The following GABRG2 variants were observed in gnomAD, a reference collection of about 807,000 sequenced individuals.
GABRG2 encodes the protein gamma-aminobutyric acid type A receptor subunit gamma2, also known as gamma-aminobutyric acid receptor subunit gamma-2.
In GABRG2, 16 loss-of-function variants were observed where a neutral mutation model predicts 56.4. That is an observed-to-expected ratio of 0.28 (90% CI 0.19 to 0.43). GABRG2 has a LOEUF of 0.43. Ranked by LOEUF, GABRG2 falls within the 20% of genes least tolerant of loss-of-function variation. The pLI is 1.00. For missense variants in GABRG2, 327 were observed against 582.7 expected, an observed-to-expected ratio of 0.56 and a Z score of 4.52; for synonymous variants, 208 against 205.5, an observed-to-expected ratio of 1.01 and a Z score of -0.10.
intron 6 of GABRG2, 90 bp downstream of exon 6, chr5:162,104,116 A>G (rs1057378701): frequency 4.8e-5 from 55 of 1,136,462 alleles, no homozygotes; most frequent in Non-Finnish European, 7.1e-5. Flanking sequence ...ATACCTCTCA[A>G]TGAATGATAA....
chr5:162,100,137 T>A (rs1238273032), intron 4 of GABRG2: 4 of 152,096 alleles, frequency 2.6e-5, no homozygotes, highest in Non-Finnish European at 5.9e-5. Flanking sequence ...CAAGTTCAGG[T>A]ACAATAAATG....
At chr5:162,108,555 A>T (rs1762001173) in intron 6 of GABRG2, among the ~76,000 whole-genome samples, 1 of 152,168 alleles carries the variant, frequency 6.6e-6, no homozygotes, top group African/African-American at 2.4e-5. Context: ...TGATCTTAAT[A>T]CCAAAACAAC....
At chr5:162,077,410 G>C (rs1181440955) in intron 1 of GABRG2, among the ~76,000 whole-genome samples, 1 of 152,068 alleles carries the variant, frequency 6.6e-6, no homozygotes, top group African/African-American at 2.4e-5. Flanking sequence ...TCCCCTTGAT[G>C]CTTCTAGTTT....
chr5:162,077,279 A>G lies in GABRG2; in HGVS notation c.107+9173A>G, dbSNP rs141969996. 6.3e-4 allele frequency among the ~76,000 whole-genome samples: 96 copies of G among 152,222 alleles called. 1 individual carries two copies. Among genetic ancestry groups the G allele is most frequent in the Non-Finnish European group, 7.2e-4 (49 of 68,004 alleles). ...AATAATGAAATTAACAATGTGCTTT[A>G]CCTTTTTAACCCAGCTTCTTTTGCT... On this transcript the variant is annotated intron_variant, in intron 1 of 9. Transcript: ENST00000639213.
intron 1 of GABRG2, among the ~76,000 whole-genome samples, chr5:162,090,961 T>A (rs1232512278): frequency 6.6e-6 from 1 of 152,158 alleles, no homozygotes; most frequent in Non-Finnish European, 1.5e-5. Flanking sequence ...GAGGTTTTTA[T>A]GTCCAAAGCA....
chr5:162,081,809 A>G (rs1759688245), intron 1 of GABRG2, among the ~76,000 whole-genome samples: 1 of 152,006 alleles, frequency 6.6e-6, no homozygotes, highest in Non-Finnish European at 1.5e-5. Context: ...CTACATAGCT[A>G]GTATGAATGA....
intron 6 of GABRG2, among the ~76,000 whole-genome samples, chr5:162,110,783 T>C (rs1762197706): frequency 6.6e-6 from 1 of 152,134 alleles, no homozygotes; most frequent in South Asian, 2.1e-4. Context: ...CAATACTAAA[T>C]TTTTCAAACT....
chr5:162,149,039 T>C, intron 7 of GABRG2, 69 bp from the exon 8 acceptor site: 1 of 1,405,212 alleles, frequency 7.1e-7, no homozygotes, highest in Admixed American at 1.7e-5. Context: ...CAATGTAGTC[T>C]CACGAGTGAC....
intron 6 of GABRG2, among the ~76,000 whole-genome samples, chr5:162,110,702 A>T (rs1307334731): frequency 6.6e-6 from 1 of 152,110 alleles, no homozygotes; most frequent in Non-Finnish European, 1.5e-5. Context: ...AGAGAAATAA[A>T]CAACTACAGC....
At chr5:162,095,735 T>C (rs1760953032) in intron 3 of GABRG2, among the ~76,000 whole-genome samples, 173 bp downstream of exon 3, 1 of 152,092 alleles carries the variant, frequency 6.6e-6, no homozygotes, top group African/African-American at 2.4e-5. Flanking sequence ...AATTAAATGT[T>C]AAGTATTTTT....
chr5:162,146,979 C>T (rs549498940), intron 7 of GABRG2, among the ~76,000 whole-genome samples: 1 of 152,338 alleles, frequency 6.6e-6, no homozygotes, highest in Non-Finnish European at 1.5e-5. Context: ...CAGACAAAGA[C>T]TTGAACTGAT....
At chr5:162,089,975 A>G (rs1760431809) in intron 1 of GABRG2, among the ~76,000 whole-genome samples, 1 of 152,170 alleles carries the variant, frequency 6.6e-6, no homozygotes, top group African/African-American at 2.4e-5. Flanking sequence ...AATGTCTACA[A>G]TCTTGTTAAA....
chr5:162,091,040 G>T (rs1760534165), intron 1 of GABRG2, among the ~76,000 whole-genome samples: 1 of 152,090 alleles, frequency 6.6e-6, no homozygotes, highest in South Asian at 2.1e-4. Flanking sequence ...TCTGGAAACA[G>T]TCCCAGGTTA....
chr5:162,089,200 G>A (rs985094239), intron 1 of GABRG2, among the ~76,000 whole-genome samples: 11 of 152,206 alleles, frequency 7.2e-5, no homozygotes, highest in African/African-American at 2.4e-4. Context: ...ACAGTTACAT[G>A]CAAAGGTTCT....
intron 1 of GABRG2, among the ~76,000 whole-genome samples, chr5:162,092,301 C>T (rs1160234588): frequency 2.0e-5 from 3 of 152,104 alleles, no homozygotes; most frequent in Non-Finnish European, 4.4e-5. Flanking sequence ...CTTTAAACTT[C>T]CTATGCTCAC....
intron 7 of GABRG2, chr5:162,142,936 G>C (rs1764694316): frequency 6.6e-6 from 1 of 151,802 alleles, no homozygotes; most frequent in Admixed American, 6.6e-5. Flanking sequence ...TCTATAGTTG[G>C]GTTCTCCTTA....
intron 2 of GABRG2, 25 bp from the exon 3 acceptor site, chr5:162,095,470 C>T: frequency 6.8e-7 from 1 of 1,471,304 alleles, no homozygotes; most frequent in Non-Finnish European, 9.5e-7. Flanking sequence ...TCTATGTGCA[C>T]ACATTTCTAT....
chr5:162,111,229 T>C (rs910594282), intron 6 of GABRG2, among the ~76,000 whole-genome samples: 1 of 152,124 alleles, frequency 6.6e-6, no homozygotes, highest in Admixed American at 6.6e-5. Context: ...GAAGCAGTTT[T>C]CCCCCCTATC....
At chr5:162,151,655 C>T (rs1276290716) in intron 8 of GABRG2, 75 bp from the exon 9 acceptor site, 5 of 1,256,382 alleles carry the variant, frequency 4.0e-6, no homozygotes, top group Non-Finnish European at 5.7e-6. Context: ...TCTTGTCTCT[C>T]TCTTTTTTTT....
Sources: gnomAD v4.1 joint callset for allele counts (sites outside exome capture counted in the v4.1 genomes callset) on GRCh38, gnomAD v4.1.1 for gene constraint, MANE v1.5 for transcripts, NCBI Gene and HGNC (gene_info 2026-07-23, HGNC 2026-07-21) for gene names.